Variants in ACTR10 observed in about 807,000 individuals in gnomAD.
The protein encoded by ACTR10 is actin related protein 10.
Under a neutral mutation model 56.2 loss-of-function variants are expected in ACTR10, and 43 were observed. The ratio of observed to expected loss-of-function variants is 0.77; its 90% CI spans 0.60 to 0.99. ACTR10 has a LOEUF of 0.99. Among genes scored for constraint, ACTR10 ranks in the 50% least tolerant of loss-of-function variants. The pLI is 0.00. For synonymous variants in ACTR10, 170 were observed against 176.3 expected (o/e 0.96, Z 0.28); for missense variants, 466 against 507.8 (o/e 0.92, Z 0.79).
At chr14:58,228,262 G>A (rs999361413) in intron 10 of ACTR10, among the ~76,000 whole-genome samples, 6 of 152,248 alleles carry the variant, frequency 3.9e-5, no homozygotes, top group South Asian at 2.1e-4. Context: ...TAGCTACCAC[G>A]TTTTTGTTTC....
At chr14:58,216,884 T>A (rs1207089351) in intron 7 of ACTR10, among the ~76,000 whole-genome samples, 1 of 152,230 alleles carries the variant, frequency 6.6e-6, no homozygotes, top group Non-Finnish European at 1.5e-5. Flanking sequence ...CCCAGGAGAC[T>A]TTGAGGATCC....
chr14:58,230,573 C>G (rs1335342511), intron 11 of ACTR10, 93 bp downstream of exon 11: 8 of 518,452 alleles, frequency 1.5e-5, no homozygotes, highest in Non-Finnish European at 2.2e-5. Flanking sequence ...ATCCTTGTCA[C>G]ATATTATTTT....
chr14:58,204,270 G>A (rs1423827496), intron 2 of ACTR10, among the ~76,000 whole-genome samples: 1 of 151,802 alleles, frequency 6.6e-6, no homozygotes, highest in Non-Finnish European at 1.5e-5. Context: ...GGTATTCCCA[G>A]CTACTTGGGA....
At position 58,234,804 on chromosome 14, in the gene ACTR10, A is replaced by T; in HGVS notation, c.*253A>T. Reference sequence around the variant, plus strand: ...TATAGTAAAGCAGTTTGATTTTGGAAGTTTGTTATGTGGCTTTTTTTTTTT... The same window carrying T: ...TATAGTAAAGCAGTTTGATTTTGGATGTTTGTTATGTGGCTTTTTTTTTTT... On this transcript the variant is annotated 3_prime_UTR_variant, in exon 13 of 13. Coordinates refer to ENST00000254286, the MANE Select transcript of ACTR10 (RefSeq NM_018477.3). 1 of 250,838 alleles carries T rather than the reference A, an allele frequency of 4.0e-6. No homozygotes were observed. Among genetic ancestry groups the T allele is most frequent in the Non-Finnish European group, 7.3e-6 (1 of 136,318 alleles). 15.5% of individuals were successfully genotyped at this position (250,838 alleles called of 1,614,324 possible).
At chr14:58,233,812 A>G (rs764814104) in intron 12 of ACTR10, among the ~76,000 whole-genome samples, 1 of 152,206 alleles carries the variant, frequency 6.6e-6, no homozygotes, top group African/African-American at 2.4e-5. Flanking sequence ...GTAGTATGAC[A>G]TTTTAAAATG....
At chr14:58,232,331 A>G in intron 12 of ACTR10, 64 bp downstream of exon 12, 1 of 1,222,304 alleles carries the variant, frequency 8.2e-7, no homozygotes, top group Non-Finnish European at 1.2e-6. Flanking sequence ...GACACTATTA[A>G]TGGATATATT....
At chr14:58,209,638 A>G (rs1290215693) in intron 4 of ACTR10, among the ~76,000 whole-genome samples, 1 of 152,192 alleles carries the variant, frequency 6.6e-6, no homozygotes, top group African/African-American at 2.4e-5. Context: ...GACTTACCTC[A>G]TAATATAAGT....
chr14:58,215,070 C>A, intron 6 of ACTR10, 135 bp from the exon 7 acceptor site: 1 of 524,588 alleles, frequency 1.9e-6, no homozygotes, highest in Non-Finnish European at 3.3e-6. Context: ...TGCGCCACTT[C>A]ACTCCAGCCT....
At chr14:58,222,648 C>T (rs538904673) in intron 8 of ACTR10, among the ~76,000 whole-genome samples, 1 of 151,674 alleles carries the variant, frequency 6.6e-6, no homozygotes, top group South Asian at 2.1e-4. Context: ...GCCTGTAATC[C>T]CAGCTACTTG....
chr14:58,215,625 C>T (rs1889116364), intron 7 of ACTR10, among the ~76,000 whole-genome samples: 1 of 152,016 alleles, frequency 6.6e-6, no homozygotes, highest in South Asian at 2.1e-4. Context: ...TTGTATTCGA[C>T]TAGGGATCTA....
At chr14:58,230,336 T>A in intron 10 of ACTR10, 63 bp from the exon 11 acceptor site, 2 of 838,518 alleles carry the variant, frequency 2.4e-6, no homozygotes, top group Non-Finnish European at 3.8e-6. Context: ...AATAATGGTG[T>A]ATTCTGTGTA....
Position 58,230,380 on chromosome 14 carries a change from CT to C in ACTR10, c.789-14del. ...ATACGTGACACCAACAGAAAGCTCT[CT>C]TTTTCAAATCCCATTAGAGATTCAG... On this transcript the variant is annotated intron_variant, in intron 10 of 12. Transcript: ENST00000254286. 6.7e-7 allele frequency: 1 copy of C among 1,492,904 alleles called. No homozygotes were observed. Among genetic ancestry groups the C allele is most frequent in the Non-Finnish European group, 9.1e-7 (1 of 1,099,440 alleles). The allele number at this position is 1,492,904 out of a possible 1,614,324, so 92.5% of individuals were successfully genotyped here.
chr14:58,223,046 T>TA (rs1459093700), intron 8 of ACTR10, among the ~76,000 whole-genome samples: 7 of 152,192 alleles, frequency 4.6e-5, no homozygotes, highest in Admixed American at 1.3e-4. Flanking sequence ...TGATTTTTTT[T>TA]AAATGAGGTT....
chr14:58,219,812 G>T, intron 8 of ACTR10, 83 bp downstream of exon 8: 2 of 807,718 alleles, frequency 2.5e-6, no homozygotes, highest in Non-Finnish European at 3.7e-6. Flanking sequence ...TACACAGATA[G>T]AAAATATATT....
rs1209243125 is a variant in ACTR10 at position 58,228,702 on chromosome 14, TTTTTTTTTTTTTTTTTTA to T, written c.789-1696_789-1679del. On this transcript the variant is annotated intron_variant, in intron 10 of 12. Transcript: ENST00000254286. ...CAGACTTTTTTTTTTTTTTTTTTTT[TTTTTTTTTTTTTTTTTTA>T]AAGAGATGAGGTCTCACTGTGCTGC... Among the ~76,000 whole-genome samples, 263 of 109,246 alleles carry T rather than the reference TTTTTTTTTTTTTTTTTTA, an allele frequency of 2.4e-3. 2 individuals carry two copies. Among genetic ancestry groups the T allele is most frequent in the African/African-American group, 9.9e-3 (246 of 24,724 alleles). 71.7% of individuals were successfully genotyped at this position (109,246 alleles called of 152,430 possible). A position where few individuals can be genotyped will look rare whatever the true frequency, so the allele number is the denominator to read the frequency against.
At chr14:58,230,639 C>T (rs1019271824) in intron 11 of ACTR10, among the ~76,000 whole-genome samples, 159 bp downstream of exon 11, 2 of 152,026 alleles carry the variant, frequency 1.3e-5, no homozygotes, top group South Asian at 2.1e-4. Flanking sequence ...TTACAGAATA[C>T]GGTCCTTTTT....
chr14:58,213,840 A>G (rs755513553), intron 6 of ACTR10, 142 bp downstream of exon 6: 14 of 592,778 alleles, frequency 2.4e-5, no homozygotes, highest in Non-Finnish European at 3.7e-5. Context: ...AGCTTCGAGT[A>G]TATTCATTTT....
intron 10 of ACTR10, among the ~76,000 whole-genome samples, chr14:58,226,428 TAAAAAAAAA>T (rs34541151): frequency 7.6e-6 from 1 of 132,298 alleles, no homozygotes; most frequent in Non-Finnish European, 1.6e-5. Context: ...CTATTTTCTT[TAAAAAAAAA>T]AAAAAAAAAG....
intron 11 of ACTR10, among the ~76,000 whole-genome samples, chr14:58,231,669 C>T (rs1188068262): frequency 6.6e-6 from 1 of 152,022 alleles, no homozygotes; most frequent in African/African-American, 2.4e-5. Context: ...GTGAATACAC[C>T]TTAGAAAAAT....
Sources: allele counts gnomAD v4.1 joint callset (sites outside exome capture counted in the v4.1 genomes callset), GRCh38; gene constraint gnomAD v4.1.1; transcripts MANE v1.5; gene names NCBI Gene and HGNC (gene_info 2026-07-23, HGNC 2026-07-21).